PTPRM: variants seen among roughly 807,000 people sequenced by gnomAD.
PTPRM encodes receptor-type tyrosine-protein phosphatase mu.
A neutral mutation model predicts 186.7 loss-of-function variants in PTPRM; 47 were observed. That is an observed-to-expected ratio of 0.25 (90% CI 0.20 to 0.32). The LOEUF (loss-of-function observed/expected upper bound fraction) is 0.32. Ranked by LOEUF, PTPRM falls within the 10% of genes least tolerant of loss-of-function variation. The pLI, the probability that PTPRM is intolerant of heterozygous loss-of-function variation, is 1.00. For missense variants in PTPRM, 1,494 were observed against 1,865.0 expected (o/e 0.80, Z 3.66); for synonymous variants, 668 against 674.9 (o/e 0.99, Z 0.16).
At chr18:8,048,444 A>G (rs746996399) in intron 7 of PTPRM, among the ~76,000 whole-genome samples, 1 of 152,046 alleles carries the variant, frequency 6.6e-6, no homozygotes, top group Non-Finnish European at 1.5e-5. Flanking sequence ...GGTGCTGAGA[A>G]CACACTCTTC....
At chr18:7,963,437 G>A (rs2053814071) in intron 7 of PTPRM, among the ~76,000 whole-genome samples, 1 of 152,230 alleles carries the variant, frequency 6.6e-6, no homozygotes, top group Non-Finnish European at 1.5e-5. Context: ...GACAGATGGA[G>A]GTGGTTGTTC....
intron 22 of PTPRM, among the ~76,000 whole-genome samples, chr18:8,329,452 A>G (rs2095399075): frequency 6.6e-6 from 1 of 152,198 alleles, no homozygotes; most frequent in Admixed American, 6.5e-5. Context: ...AGGGCCTTTT[A>G]TTCAACAGGA....
chr18:7,955,792 C>A (rs2053270575), intron 7 of PTPRM, among the ~76,000 whole-genome samples: 1 of 152,182 alleles, frequency 6.6e-6, no homozygotes, highest in South Asian at 2.1e-4. Flanking sequence ...AATGTGCCAG[C>A]AGCCTGGAGG....
At chr18:7,974,177 G>C (rs2054776618) in intron 7 of PTPRM, among the ~76,000 whole-genome samples, 1 of 152,162 alleles carries the variant, frequency 6.6e-6, no homozygotes. Context: ...AGGCACAACT[G>C]AGTCACAGCT....
intron 22 of PTPRM, among the ~76,000 whole-genome samples, chr18:8,336,580 GAGAC>G (rs1397200939): frequency 6.8e-6 from 1 of 147,450 alleles, no homozygotes; most frequent in Non-Finnish European, 1.5e-5. Context: ...GAGACAGACA[GAGAC>G]AGACAGAGAG....
chr18:7,730,024 C>T (rs1245332373), intron 1 of PTPRM, among the ~76,000 whole-genome samples: 1 of 152,076 alleles, frequency 6.6e-6, no homozygotes. Flanking sequence ...ATCTGTTACA[C>T]CTAGAGCCTC....
chr18:8,104,057 C>T (rs929886302), intron 11 of PTPRM, among the ~76,000 whole-genome samples: 6 of 152,148 alleles, frequency 3.9e-5, no homozygotes, highest in Admixed American at 1.3e-4. Context: ...TCAAAGATCA[C>T]TCATCACAGA....
intron 2 of PTPRM, among the ~76,000 whole-genome samples, chr18:7,818,114 C>A (rs1175657708): frequency 6.6e-6 from 1 of 152,108 alleles, no homozygotes; most frequent in Non-Finnish European, 1.5e-5. Context: ...TTGGAGGAAG[C>A]TCTTCATTAG....
intron 20 of PTPRM, among the ~76,000 whole-genome samples, chr18:8,300,214 C>T (rs76165216): frequency 0.012 from 1,831 of 152,126 alleles, 29 homozygotes; most frequent in African/African-American, 0.041. Flanking sequence ...GGTGAGTGGA[C>T]GAGTGGCAGA....
At chr18:7,854,186 C>G (rs1269608861) in intron 2 of PTPRM, among the ~76,000 whole-genome samples, 2 of 152,144 alleles carry the variant, frequency 1.3e-5, no homozygotes, top group African/African-American at 4.8e-5. Flanking sequence ...AAGTGGTTGT[C>G]TACCATTTTC....
At position 7,693,046 on chromosome 18, in the gene PTPRM, C is replaced by T. The variant is rs567824392; in HGVS notation, c.74-81103C>T. Among the ~76,000 whole-genome samples, 13 of 152,180 alleles carry T rather than the reference C, an allele frequency of 8.5e-5. 1 individual carries two copies. The highest frequency in any genetic ancestry group is 1.2e-4 in the African/African-American group (5 of 41,448). On this transcript the variant is annotated intron_variant, in intron 1 of 32. Coordinates refer to ENST00000580170, the MANE Select transcript of PTPRM (RefSeq NM_001105244.2). Reference sequence around the variant, plus strand: ...ACATGAGCACCTTACCAAATGCTTACGTGTTGTGTAGCACTAATGTAAACA... The same window carrying T: ...ACATGAGCACCTTACCAAATGCTTATGTGTTGTGTAGCACTAATGTAAACA...
At position 8,319,223 on chromosome 18, in the gene PTPRM, A is replaced by G. The variant is rs2095330138; in HGVS notation, c.2956+9A>G. 1 of 1,554,100 alleles carries G rather than the reference A, an allele frequency of 6.4e-7. No homozygotes were observed. The highest frequency in any genetic ancestry group is 8.8e-7 in the Non-Finnish European group (1 of 1,130,158). On this transcript the variant is annotated intron_variant, in intron 22 of 32. Coordinates refer to ENST00000580170, the MANE Select transcript of PTPRM (RefSeq NM_001105244.2). Reference sequence around the variant, plus strand: ...TTACATTGCTACCCAAGGTAAGTTTATTTCTACTTTGTTGTCTTTCTTTGT... The same window carrying G: ...TTACATTGCTACCCAAGGTAAGTTTGTTTCTACTTTGTTGTCTTTCTTTGT...
intron 14 of PTPRM, among the ~76,000 whole-genome samples, chr18:8,199,899 T>C (rs1002820926): frequency 1.3e-5 from 2 of 152,084 alleles, no homozygotes; most frequent in Non-Finnish European, 2.9e-5. Context: ...GAATAGAAAT[T>C]AACACTGTAT....
intron 14 of PTPRM, among the ~76,000 whole-genome samples, chr18:8,201,813 A>G (rs1169757644): frequency 2.6e-5 from 4 of 152,164 alleles, no homozygotes; most frequent in South Asian, 2.1e-4. Context: ...CACATTGAGG[A>G]TAGGGATTCG....
intron 23 of PTPRM, among the ~76,000 whole-genome samples, chr18:8,345,965 A>C (rs2095502565): frequency 6.6e-6 from 1 of 152,258 alleles, no homozygotes; most frequent in Admixed American, 6.5e-5. Flanking sequence ...GGGTATAATA[A>C]GTGACCAGAC....
At chr18:7,963,087 A>G (rs16952722) in intron 7 of PTPRM, among the ~76,000 whole-genome samples, 21,874 of 152,326 alleles carry the variant, frequency 0.14, 1,834 homozygotes, top group Non-Finnish European at 0.19. Flanking sequence ...GAAGCCATTA[A>G]AAACCTTTTT....
intron 1 of PTPRM, among the ~76,000 whole-genome samples, chr18:7,657,204 C>T (rs2038871158): frequency 6.6e-6 from 1 of 152,258 alleles, no homozygotes; most frequent in East Asian, 1.9e-4. Context: ...GTTTGAAGGC[C>T]AGGACGCTCT....
chr18:8,221,206 A>T (rs1443360198), intron 14 of PTPRM, among the ~76,000 whole-genome samples: 1 of 152,106 alleles, frequency 6.6e-6, no homozygotes, highest in Non-Finnish European at 1.5e-5. Context: ...TTATAACCCA[A>T]AGTTTACTCA....
At chr18:7,887,657 G>A (rs1196934231) in intron 2 of PTPRM, among the ~76,000 whole-genome samples, 2 of 152,200 alleles carry the variant, frequency 1.3e-5, no homozygotes, top group East Asian at 3.8e-4. Flanking sequence ...CTTTCTGCTG[G>A]ATGGAGATGC....
Sources: gnomAD v4.1 joint callset for allele counts (sites outside exome capture counted in the v4.1 genomes callset) on GRCh38, gnomAD v4.1.1 for gene constraint, MANE v1.5 for transcripts, NCBI Gene and HGNC (gene_info 2026-07-23, HGNC 2026-07-21) for gene names.